The following TMEM135 variants were observed in gnomAD, a reference collection of about 807,000 sequenced individuals.
TMEM135 encodes the protein transmembrane protein 135.
In TMEM135, 30 loss-of-function variants were observed where a neutral mutation model predicts 60.3. The observed-to-expected ratio is 0.50, with a 90% CI of 0.37 to 0.68. TMEM135 has a LOEUF of 0.68. Among genes scored for constraint, TMEM135 ranks in the 30% least tolerant of loss-of-function variants. TMEM135 has a pLI of 0.00. For synonymous variants in TMEM135, 190 were observed against 186.7 expected (o/e 1.02, Z -0.14); for missense variants, 468 against 548.8 (o/e 0.85, Z 1.47).
intron 3 of TMEM135, among the ~76,000 whole-genome samples, chr11:87,076,984 C>A (rs548430750): frequency 7.2e-5 from 11 of 152,306 alleles, no homozygotes; most frequent in African/African-American, 2.6e-4. Context: ...AGACTTCATT[C>A]AGTATTCACT....
At chr11:87,087,290 CAAAAA>C (rs111844297) in intron 3 of TMEM135, among the ~76,000 whole-genome samples, 1 of 133,566 alleles carries the variant, frequency 7.5e-6, no homozygotes, top group Admixed American at 7.3e-5. Context: ...GTCTTATTTT[CAAAAA>C]AAAAAAAAAA....
At chr11:87,264,131 A>C (rs1468336573) in intron 6 of TMEM135, among the ~76,000 whole-genome samples, 1 of 151,910 alleles carries the variant, frequency 6.6e-6, no homozygotes, top group Non-Finnish European at 1.5e-5. Context: ...AAATATTTCT[A>C]ATTAGTGCTG....
chr11:87,148,033 G>A (rs1474934274), intron 4 of TMEM135, among the ~76,000 whole-genome samples: 1 of 152,216 alleles, frequency 6.6e-6, no homozygotes, highest in Non-Finnish European at 1.5e-5. Flanking sequence ...TGGGATTACA[G>A]GCGTGAGCCA....
chr11:87,271,327 GA>G (rs1341018680), intron 6 of TMEM135, among the ~76,000 whole-genome samples: 1 of 152,140 alleles, frequency 6.6e-6, no homozygotes, highest in Non-Finnish European at 1.5e-5. Context: ...TGAATGAAGA[GA>G]AAAAAGTTGT....
intron 5 of TMEM135, among the ~76,000 whole-genome samples, chr11:87,208,613 G>C (rs1010974578): frequency 2.0e-5 from 3 of 152,206 alleles, no homozygotes; most frequent in African/African-American, 7.2e-5. Flanking sequence ...GAAGTAGAGA[G>C]AGAGAGCAAG....
intron 1 of TMEM135, among the ~76,000 whole-genome samples, chr11:87,041,751 T>C (rs1433071566): frequency 6.6e-6 from 1 of 152,190 alleles, no homozygotes; most frequent in Non-Finnish European, 1.5e-5. Context: ...TGAGTGAAGG[T>C]ATGAATGAAT....
At chr11:87,042,165 C>T (rs116548852) in intron 1 of TMEM135, among the ~76,000 whole-genome samples, 2,360 of 152,292 alleles carry the variant, frequency 0.015, 63 homozygotes, top group African/African-American at 0.053. Flanking sequence ...TTAGGTTCAA[C>T]GAAGTATAGA....
At chr11:87,193,981 T>A (rs1939876413) in intron 5 of TMEM135, among the ~76,000 whole-genome samples, 1 of 152,090 alleles carries the variant, frequency 6.6e-6, no homozygotes, top group African/African-American at 2.4e-5. Flanking sequence ...CTTTTTTCAC[T>A]TACTAGCAGA....
chr11:87,055,384 G>C (rs2445537), intron 1 of TMEM135, among the ~76,000 whole-genome samples: 102,381 of 152,070 alleles, frequency 0.67, 35,871 homozygotes, highest in East Asian at 0.88. Context: ...AGTAAGAAAA[G>C]TTAACTGCCT....
intron 6 of TMEM135, among the ~76,000 whole-genome samples, chr11:87,268,948 T>C (rs1042619117): frequency 6.6e-6 from 1 of 152,102 alleles, no homozygotes; most frequent in Non-Finnish European, 1.5e-5. Context: ...AAATTATTTG[T>C]TTTTCTAAGT....
At position 87,327,970 on chromosome 11, in the gene TMEM135, C is replaced by A. The variant is rs547467495; in HGVS notation, c.*6637C>A. 7 of 454,044 alleles carry A rather than the reference C, an allele frequency of 1.5e-5. No homozygotes were observed. The East Asian group carries it at 4.2e-4, about 27-fold the overall frequency. The allele number at this position is 454,044 out of a possible 1,614,324, so 28.1% of individuals were successfully genotyped here. A position where few individuals can be genotyped will look rare whatever the true frequency, so the allele number is the denominator to read the frequency against. ...CATATTGAGGGCAGATCTTCTCTGC[C>A]TAGTCCACGCTAACTCACATGCCAA... On this transcript the variant is annotated 3_prime_UTR_variant, in exon 15 of 15. Coordinates refer to ENST00000305494, the MANE Select transcript of TMEM135 (RefSeq NM_022918.4).
At position 87,129,486 on chromosome 11, in the gene TMEM135, G is replaced by A. The variant is rs954083158; in HGVS notation, c.397-27855G>A. ...TCGAACTCCTGACCTCAGGTAATCC[G>A]TCTGCCTAGGCCTCCCAAAGTGCTG... On this transcript the variant is annotated intron_variant, in intron 4 of 14. Transcript: ENST00000305494. Among the ~76,000 whole-genome samples the A allele has an allele frequency of 8.0e-5, 12 of 149,938 alleles. No homozygotes were observed. In the East Asian group the frequency reaches 9.9e-4, roughly 12 times the overall value.
At chr11:87,070,364 A>G (rs1188956732) in intron 2 of TMEM135, among the ~76,000 whole-genome samples, 1 of 151,966 alleles carries the variant, frequency 6.6e-6, no homozygotes, top group African/African-American at 2.4e-5. Flanking sequence ...TTTCTCTTAA[A>G]AAACCTGCGT....
intron 1 of TMEM135, among the ~76,000 whole-genome samples, chr11:87,039,603 A>G (rs1565417262): frequency 6.6e-6 from 1 of 152,272 alleles, no homozygotes; most frequent in East Asian, 1.9e-4. Flanking sequence ...GCCTTGTTGT[A>G]TTGCCATTCT....
At chr11:87,255,037 G>T (rs1168490315) in intron 6 of TMEM135, among the ~76,000 whole-genome samples, 1 of 152,082 alleles carries the variant, frequency 6.6e-6, no homozygotes, top group Non-Finnish European at 1.5e-5. Context: ...CAAAGGATTG[G>T]GATAATGATT....
chr11:87,310,670 A>G (rs945643124), intron 10 of TMEM135, among the ~76,000 whole-genome samples: 1 of 151,994 alleles, frequency 6.6e-6, no homozygotes, highest in Non-Finnish European at 1.5e-5. Context: ...ACACAGAGGA[A>G]TGACCATGTG....
chr11:87,286,277 C>T (rs986686403), intron 6 of TMEM135, among the ~76,000 whole-genome samples: 8 of 133,160 alleles, frequency 6.0e-5, no homozygotes, highest in Non-Finnish European at 8.4e-5. Flanking sequence ...GGTGTATTTA[C>T]GATCCTTTAG....
At chr11:87,118,091 T>TC (rs1258386173) in intron 4 of TMEM135, among the ~76,000 whole-genome samples, 1 of 151,984 alleles carries the variant, frequency 6.6e-6, no homozygotes, top group Middle Eastern at 3.2e-3. Context: ...ATTTTTTTTT[T>TC]CTGAGTAGCA....
At chr11:87,086,128 A>T (rs1401286122) in intron 3 of TMEM135, among the ~76,000 whole-genome samples, 1 of 152,186 alleles carries the variant, frequency 6.6e-6, no homozygotes, top group Non-Finnish European at 1.5e-5. Context: ...ATCTTTGGTG[A>T]TTATATGTCT....
Sources: allele counts gnomAD v4.1 joint callset (sites outside exome capture counted in the v4.1 genomes callset), GRCh38; gene constraint gnomAD v4.1.1; transcripts MANE v1.5; gene names NCBI Gene and HGNC (gene_info 2026-07-23, HGNC 2026-07-21).